RNF220: variants seen among roughly 807,000 people sequenced by gnomAD.
The protein encoded by RNF220 is E3 ubiquitin-protein ligase RNF220.
RNF220 carries 7 observed loss-of-function variants against 67.1 expected under a neutral mutation model. That is an observed-to-expected ratio of 0.10 (90% CI 0.06 to 0.20). RNF220 has a LOEUF of 0.20. Ranked by LOEUF, RNF220 falls within the 10% of genes least tolerant of loss-of-function variation. The pLI is 1.00. For missense variants in RNF220, 565 were observed against 740.3 expected (o/e 0.76, Z 2.75); for synonymous variants, 270 against 283.2 (o/e 0.95, Z 0.47).
At position 44,645,587 on chromosome 1, in the gene RNF220, C is replaced by T. The variant is rs1644617263; in HGVS notation, c.1445+99C>T. 8.3e-7 allele frequency: 1 copy of T among 1,211,900 alleles called. No individual in the cohort carries two copies. 75.1% of individuals were successfully genotyped at this position (1,211,900 alleles called of 1,614,324 possible). ...CCTGCTGCCAGGGCTTCTGGCCCTC[C>T]CAAGTGCAGCTCAGTGCTGCTGCCC... is the stretch of plus-strand genomic sequence containing the variant. On this transcript the variant is annotated intron_variant, in intron 12 of 14. Coordinates refer to ENST00000361799, the MANE Select transcript of RNF220 (RefSeq NM_018150.4). The surrounding 1 kb of genome is among the most constrained non-coding windows in gnomAD (Gnocchi z 5.0).
Position 44,412,720 on chromosome 1 carries a change from G to C in RNF220, c.623G>C (p.Arg208Thr). 1 of 1,613,218 alleles carries C rather than the reference G, an allele frequency of 6.2e-7. No homozygotes were observed. The highest frequency in any genetic ancestry group is 8.5e-7 in the Non-Finnish European group (1 of 1,179,420). Residue 208 changes from arginine to threonine, a missense_variant and splice_region_variant, in exon 2 of 15, where the codon AGA becomes ACA. By Grantham distance (71) the Arg-to-Thr change is moderately conservative. Transcript: ENST00000361799. This position sits in a 1 kb window ranked among gnomAD's most constrained non-coding sequence, Gnocchi z 5.3. ...TCTAGCCCAGAGGATCGGAATGACA[G>C]ATGTAAGTACTTTGGTTCCAGCCCT... is the stretch of plus-strand genomic sequence containing the variant. Reference protein sequence around the residue: ...ASSSPEDRNDRCKKKAAALFD... With the variant: ...ASSSPEDRNDTCKKKAAALFD...
At chr1:44,595,456 G>A (rs1179250361) in intron 2 of RNF220, among the ~76,000 whole-genome samples, 1 of 152,256 alleles carries the variant, frequency 6.6e-6, no homozygotes, top group Non-Finnish European at 1.5e-5. Flanking sequence ...TAGGGGAGCA[G>A]GTACAGGATG....
chr1:44,530,157 G>A (rs1446705911), intron 2 of RNF220, among the ~76,000 whole-genome samples: 2 of 152,120 alleles, frequency 1.3e-5, no homozygotes, highest in Non-Finnish European at 1.5e-5. Flanking sequence ...CATGAGTATA[G>A]CATTTATGAT....
intron 5 of RNF220, among the ~76,000 whole-genome samples, chr1:44,629,850 G>A (rs539902038): frequency 1.3e-5 from 2 of 152,292 alleles, no homozygotes; most frequent in East Asian, 3.9e-4. Context: ...CAGATATAAA[G>A]ACAACACTAT....
Position 44,651,062 on chromosome 1 carries a change from A to T in RNF220, c.*287A>T. 2 of 453,404 alleles carry T rather than the reference A, an allele frequency of 4.4e-6. No individual in the cohort carries two copies. The highest frequency in any genetic ancestry group is 8.3e-6 in the Non-Finnish European group (2 of 241,616). The allele number at this position is 453,404 out of a possible 1,614,324, so 28.1% of individuals were successfully genotyped here. A position where few individuals can be genotyped will look rare whatever the true frequency, so the allele number is the denominator to read the frequency against. On this transcript the variant is annotated 3_prime_UTR_variant, in exon 15 of 15. Transcript: ENST00000361799. The stretch of plus-strand genomic sequence containing the variant: ...GCAGGGAGGTGGGGGTTGGGGGAGT[A>T]GTGGGGCACGGCTCCTAAGATCCAG...
intron 2 of RNF220, among the ~76,000 whole-genome samples, chr1:44,444,991 A>G (rs1029220243): frequency 3.9e-5 from 6 of 152,188 alleles, no homozygotes; most frequent in Non-Finnish European, 8.8e-5. Context: ...TTAGCAGTAT[A>G]TAAGAATTTT....
chr1:44,473,023 T>G (rs1654956300), intron 2 of RNF220, among the ~76,000 whole-genome samples: 2 of 151,994 alleles, frequency 1.3e-5, no homozygotes, highest in South Asian at 2.1e-4. Context: ...GGCTTTGAGG[T>G]TTTCCTGGGC....
intron 2 of RNF220, among the ~76,000 whole-genome samples, chr1:44,459,862 C>T (rs1653588467): frequency 6.6e-6 from 1 of 152,192 alleles, no homozygotes; most frequent in African/African-American, 2.4e-5. Flanking sequence ...AGTAGGTTCT[C>T]AATGCATACT....
intron 2 of RNF220, among the ~76,000 whole-genome samples, chr1:44,584,489 G>A (rs1665550491): frequency 6.6e-6 from 1 of 152,162 alleles, no homozygotes; most frequent in Non-Finnish European, 1.5e-5. Flanking sequence ...TTTTATTGCT[G>A]CACTCAGGAA....
chr1:44,426,726 C>CA (rs33975687), intron 2 of RNF220, among the ~76,000 whole-genome samples: 1,490 of 112,278 alleles, frequency 0.013, 23 homozygotes, highest in Non-Finnish European at 0.017. Flanking sequence ...GACTCTGTCT[C>CA]AAAAAAAAAA....
chr1:44,568,607 G>A (rs1664201656), intron 2 of RNF220, among the ~76,000 whole-genome samples: 1 of 152,216 alleles, frequency 6.6e-6, no homozygotes, highest in African/African-American at 2.4e-5. Flanking sequence ...GGATTTGGAA[G>A]GCGTTTCTCT....
intron 3 of RNF220, among the ~76,000 whole-genome samples, chr1:44,614,696 C>T (rs1359661945): frequency 6.6e-6 from 1 of 152,168 alleles, no homozygotes; most frequent in Non-Finnish European, 1.5e-5. Context: ...ACACTACCTT[C>T]TCTATGAATC....
intron 2 of RNF220, among the ~76,000 whole-genome samples, chr1:44,474,942 A>G (rs1655160360): frequency 6.6e-6 from 1 of 152,156 alleles, no homozygotes; most frequent in Non-Finnish European, 1.5e-5. Context: ...CGCCATGGAT[A>G]CGAAGGGACA....
chr1:44,520,337 G>A (rs926415320), intron 2 of RNF220, among the ~76,000 whole-genome samples: 1 of 152,030 alleles, frequency 6.6e-6, no homozygotes, highest in African/African-American at 2.4e-5. Flanking sequence ...ATGGTGGCGG[G>A]CGCCTGTAGT....
At chr1:44,488,928 G>C (rs143477099) in intron 2 of RNF220, among the ~76,000 whole-genome samples, 2 of 151,832 alleles carry the variant, frequency 1.3e-5, no homozygotes, top group East Asian at 3.9e-4. Context: ...ATGGGGTTTC[G>C]CTATGTTGGC....
At chr1:44,407,684 G>A (rs1201621633) in intron 1 of RNF220, among the ~76,000 whole-genome samples, 1 of 152,050 alleles carries the variant, frequency 6.6e-6, no homozygotes, top group Non-Finnish European at 1.5e-5. Flanking sequence ...GCCGCGGTGC[G>A]GGCCGCAGAA....
chr1:44,409,943 C>T (rs1647802525), intron 1 of RNF220, among the ~76,000 whole-genome samples: 1 of 152,126 alleles, frequency 6.6e-6, no homozygotes. Flanking sequence ...CCAACGCCCA[C>T]GCAATGAAGT....
intron 2 of RNF220, among the ~76,000 whole-genome samples, chr1:44,607,697 G>A (rs1667372331): frequency 1.3e-5 from 2 of 151,716 alleles, no homozygotes; most frequent in Admixed American, 1.3e-4. Context: ...CACTGTGTTA[G>A]CCAGGATGGT....
At chr1:44,585,230 T>C (rs1199577037) in intron 2 of RNF220, among the ~76,000 whole-genome samples, 1 of 152,174 alleles carries the variant, frequency 6.6e-6, no homozygotes, top group East Asian at 1.9e-4. Flanking sequence ...CTAATGTCCC[T>C]CACTAGCAGG....
Sources: gnomAD v4.1 joint callset for allele counts (sites outside exome capture counted in the v4.1 genomes callset) on GRCh38, gnomAD v4.1.1 for gene constraint, Gnocchi (gnomAD v3.1) non-coding constraint, MANE v1.5 for transcripts, NCBI Gene and HGNC (gene_info 2026-07-23, HGNC 2026-07-21) for gene names.